The following SLC12A8 variants were observed in gnomAD, a reference collection of about 807,000 sequenced individuals.
SLC12A8 encodes the protein solute carrier family 12 member 8, also known as cation-chloride cotransporter 9.
SLC12A8 carries 69 observed loss-of-function variants against 75.6 expected under a neutral mutation model. The ratio of observed to expected loss-of-function variants is 0.91; its 90% CI spans 0.75 to 1.11. SLC12A8 has a LOEUF of 1.11. Ranked by LOEUF, SLC12A8 falls within the 50% of genes most tolerant of loss-of-function variation. SLC12A8 has a pLI of 0.00. For missense variants in SLC12A8, 877 were observed against 896.7 expected, an observed-to-expected ratio of 0.98 and a Z score of 0.28; for synonymous variants, 365 against 372.8, an observed-to-expected ratio of 0.98 and a Z score of 0.24.
chr3:125,104,507 G>GAAAAAAAAAAAAAAAAAAAAAAAAAA (rs35777145), intron 10 of SLC12A8, among the ~76,000 whole-genome samples: 1 of 125,228 alleles, frequency 8.0e-6, no homozygotes. Flanking sequence ...GTTCAAATTA[G>GAAAAAAAAAAAAAAAAAAAAAAAAAA]AAAAAAAAAA....
chr3:125,135,637 T>C (rs1248390878), intron 6 of SLC12A8, 32 bp downstream of exon 6: 7 of 1,445,474 alleles, frequency 4.8e-6, no homozygotes, highest in Admixed American at 2.0e-5. Flanking sequence ...TACCCCTAAT[T>C]TGAGAGTAAA....
intron 6 of SLC12A8, among the ~76,000 whole-genome samples, chr3:125,129,822 A>T (rs1321563722): frequency 6.6e-6 from 1 of 152,216 alleles, no homozygotes; most frequent in Non-Finnish European, 1.5e-5. Flanking sequence ...CAAGTCATAC[A>T]AACCATTCGT....
chr3:125,129,240 T>A (rs1933293719), intron 6 of SLC12A8, among the ~76,000 whole-genome samples: 1 of 152,232 alleles, frequency 6.6e-6, no homozygotes. Flanking sequence ...TCCTAGTTCC[T>A]CTGTGAATCG....
intron 5 of SLC12A8, chr3:125,151,092 C>T (rs761003529): frequency 6.6e-5 from 10 of 152,308 alleles, no homozygotes; most frequent in Admixed American, 2.0e-4. Context: ...ATCATAAAGA[C>T]GCTTCGAAAA....
intron 2 of SLC12A8, among the ~76,000 whole-genome samples, chr3:125,191,366 A>G (rs1433189365): frequency 6.6e-6 from 1 of 152,232 alleles, no homozygotes; most frequent in African/African-American, 2.4e-5. Flanking sequence ...AAACAAAACC[A>G]GTAGTAACTC....
At chr3:125,140,726 T>C (rs559755441) in intron 5 of SLC12A8, among the ~76,000 whole-genome samples, 1 of 152,266 alleles carries the variant, frequency 6.6e-6, no homozygotes, top group East Asian at 1.9e-4. Flanking sequence ...TTCTTTCCTT[T>C]TTTTTCTTAA....
chr3:125,092,249 G>GA (rs1209024919), intron 10 of SLC12A8, 51 bp from the exon 11 acceptor site: 25 of 1,345,912 alleles, frequency 1.9e-5, no homozygotes, highest in Non-Finnish European at 2.7e-5. Flanking sequence ...ACTCTCTACT[G>GA]TTTTTTAGGA....
chr3:125,135,603 C>T, intron 6 of SLC12A8, 66 bp downstream of exon 6: 2 of 1,031,082 alleles, frequency 1.9e-6, no homozygotes, highest in South Asian at 3.7e-5. Flanking sequence ...AATGATGATG[C>T]TGAATTTTGG....
chr3:125,143,773 T>G (rs910480186), intron 5 of SLC12A8, among the ~76,000 whole-genome samples: 10 of 152,034 alleles, frequency 6.6e-5, no homozygotes, highest in Non-Finnish European at 1.0e-4. Flanking sequence ...ACCCAGGGGA[T>G]GAAAGGCCAG....
chr3:125,133,583 G>A (rs976964751), intron 6 of SLC12A8, among the ~76,000 whole-genome samples: 7 of 151,970 alleles, frequency 4.6e-5, no homozygotes, highest in Non-Finnish European at 8.8e-5. Context: ...ATGCCACCAC[G>A]CCCAGCTAAT....
rs559696308 is a variant in SLC12A8, at chr3:125,177,736, G to C, written c.622+7C>G. The C allele has an allele frequency of 3.1e-6, 5 of 1,611,452 alleles. No individual in the cohort carries two copies. In the African/African-American group the frequency reaches 6.7e-5, roughly 21 times the overall value. ...TAAGGCCACATACTGGACTCTGAAA[G>C]GCTTACCTGGGTCCAGGTGGGTGAA... is the stretch of plus-strand genomic sequence containing the variant. On this transcript the variant is annotated splice_region_variant and intron_variant, in intron 5 of 13. Coordinates refer to ENST00000469902, the MANE Select transcript of SLC12A8 (RefSeq NM_024628.6).
At chr3:125,210,038 C>A (rs1175774678) in intron 2 of SLC12A8, among the ~76,000 whole-genome samples, 1 of 152,132 alleles carries the variant, frequency 6.6e-6, no homozygotes, top group Admixed American at 6.5e-5. Flanking sequence ...CATGTCCAAT[C>A]CTTCGATGTT....
chr3:125,153,778 G>A (rs1465708354), intron 5 of SLC12A8, among the ~76,000 whole-genome samples: 1 of 152,178 alleles, frequency 6.6e-6, no homozygotes. Flanking sequence ...TTGTGATGCT[G>A]TAAGATGATA....
At chr3:125,132,246 T>C (rs1266246818) in intron 6 of SLC12A8, among the ~76,000 whole-genome samples, 1 of 152,210 alleles carries the variant, frequency 6.6e-6, no homozygotes, top group Non-Finnish European at 1.5e-5. Flanking sequence ...AGTCGGAGAC[T>C]GACTCTTTTT....
intron 4 of SLC12A8, 106 bp downstream of exon 4, chr3:125,187,131 C>G: frequency 5.3e-6 from 6 of 1,123,968 alleles, no homozygotes; most frequent in Non-Finnish European, 7.8e-6. Flanking sequence ...CTGTCACATG[C>G]GGCAATTGTC....
chr3:125,202,625 A>T (rs1176491364), intron 2 of SLC12A8, among the ~76,000 whole-genome samples: 1 of 138,766 alleles, frequency 7.2e-6, no homozygotes, highest in Non-Finnish European at 1.6e-5. Context: ...GAATGTATTA[A>T]CCATGTTTTT....
At position 125,100,684 on chromosome 3, in the gene SLC12A8, A is replaced by G. The variant is rs1938847653; in HGVS notation, c.1705+6797T>C. ...TGGCCTCCCAAAGTGCTGGGATTAC[A>G]GGCACGAGCCACCATGCCCAGCTTA... On this transcript the variant is annotated intron_variant, in intron 10 of 13. Transcript: ENST00000469902. Among the ~76,000 whole-genome samples the G allele has an allele frequency of 8.0e-5, 12 of 150,800 alleles. No individual in the cohort carries two copies. In the South Asian group the frequency reaches 2.6e-3, roughly 32 times the overall value.
chr3:125,193,676 C>T (rs1387476663), intron 2 of SLC12A8, among the ~76,000 whole-genome samples: 1 of 152,224 alleles, frequency 6.6e-6, no homozygotes, highest in Non-Finnish European at 1.5e-5. Context: ...ACACAAAGTA[C>T]TGGATTCTCC....
At chr3:125,199,351 C>A (rs1935075356) in intron 2 of SLC12A8, among the ~76,000 whole-genome samples, 2 of 152,112 alleles carry the variant, frequency 1.3e-5, no homozygotes, top group African/African-American at 4.8e-5. Flanking sequence ...TGTATTATTA[C>A]AACTTTTCTG....
Sources: gnomAD v4.1 joint callset for allele counts (sites outside exome capture counted in the v4.1 genomes callset) on GRCh38, gnomAD v4.1.1 for gene constraint, MANE v1.5 for transcripts, NCBI Gene and HGNC (gene_info 2026-07-23, HGNC 2026-07-21) for gene names.